RRBP1: variants seen among roughly 807,000 people sequenced by gnomAD.
The protein encoded by RRBP1 is ribosome binding protein 1, also known as ribosome-binding protein 1.
Under a neutral mutation model 165.2 loss-of-function variants are expected in RRBP1, and 94 were observed. The ratio of observed to expected loss-of-function variants is 0.57; its 90% confidence interval spans 0.48 to 0.68. The LOEUF is 0.68. Ranked by LOEUF, RRBP1 falls within the 30% of genes least tolerant of loss-of-function variation. The pLI is 0.00. For synonymous variants in RRBP1, 680 were observed against 714.5 expected (o/e 0.95, Z 0.77); for missense variants, 1,676 against 1,763.0 (o/e 0.95, Z 0.88).
chr20:17,665,120 G>C (rs1041977335), intron 2 of RRBP1, among the ~76,000 whole-genome samples: 7 of 151,694 alleles, frequency 4.6e-5, no homozygotes, highest in Admixed American at 2.0e-4. Flanking sequence ...GTGGGGGGGG[G>C]ACACACACAC....
At chr20:17,638,571 G>C (rs970184461) in intron 5 of RRBP1, among the ~76,000 whole-genome samples, 1 of 152,182 alleles carries the variant, frequency 6.6e-6, no homozygotes, top group Non-Finnish European at 1.5e-5. Context: ...GCAGAGAAAA[G>C]TCACTTGTCC....
At chr20:17,635,137 T>C (rs1315796850) in intron 7 of RRBP1, among the ~76,000 whole-genome samples, 1 of 152,070 alleles carries the variant, frequency 6.6e-6, no homozygotes, top group Non-Finnish European at 1.5e-5. Flanking sequence ...GAAGCAGAAG[T>C]GCGGCTGTAC....
intron 2 of RRBP1, among the ~76,000 whole-genome samples, chr20:17,677,533 A>C (rs2037105418): frequency 6.6e-6 from 1 of 152,180 alleles, no homozygotes; most frequent in South Asian, 2.1e-4. Context: ...AGTACTGCCC[A>C]ATGATCCTTT....
chr20:17,618,746 A>C, intron 19 of RRBP1, 67 bp from the exon 20 acceptor site: 1 of 1,239,962 alleles, frequency 8.1e-7, no homozygotes. Context: ...AGTCCCCGTG[A>C]GTTAGCGCCG....
intron 8 of RRBP1, among the ~76,000 whole-genome samples, chr20:17,631,225 G>A (rs569636540): frequency 6.6e-5 from 10 of 152,328 alleles, no homozygotes; most frequent in South Asian, 4.1e-4. Flanking sequence ...TGCACCCACC[G>A]GCTCCAACAC....
intron 7 of RRBP1, among the ~76,000 whole-genome samples, chr20:17,634,919 C>T (rs572980705): frequency 6.6e-6 from 1 of 152,330 alleles, no homozygotes; most frequent in East Asian, 1.9e-4. Flanking sequence ...TCCCCTGACC[C>T]GACTCCCAGA....
chr20:17,624,564 T>A lies in RRBP1; in HGVS notation c.3147+12A>T. ...TTCCATGGTGGGGGTGTGAGTGTGGTCGGGCTCTGACCTTGGCCTGGGTCA... is the reference window on the plus strand; with the variant it reads ...TTCCATGGTGGGGGTGTGAGTGTGGACGGGCTCTGACCTTGGCCTGGGTCA... On this transcript the variant is annotated intron_variant, in intron 13 of 24. Coordinates refer to ENST00000377813, the MANE Select transcript of RRBP1 (RefSeq NM_001365613.2). 1 of 1,573,290 alleles carries A rather than the reference T, an allele frequency of 6.4e-7. No homozygotes were observed. Among genetic ancestry groups the A allele is most frequent in the South Asian group, 1.2e-5 (1 of 86,166 alleles).
chr20:17,652,108 A>G lies in RRBP1; in HGVS notation c.1912+6488T>C, dbSNP rs924509024. On this transcript the variant is annotated intron_variant, in intron 3 of 24. Coordinates refer to ENST00000377813, the MANE Select transcript of RRBP1 (RefSeq NM_001365613.2). ...CTGTCCTGTGCTATGGGCCAGCCAC[A>G]GCCTCTGTGCAACACCAACACAGGT... Among the ~76,000 whole-genome samples the G allele has an allele frequency of 2.6e-5, 4 of 152,226 alleles. No homozygotes were observed. The East Asian group carries it at 7.7e-4, about 29-fold the overall frequency.
At chr20:17,641,634 C>T in intron 5 of RRBP1, 163 bp downstream of exon 5, 1 of 868,194 alleles carries the variant, frequency 1.2e-6, no homozygotes, top group Non-Finnish European at 1.8e-6. Flanking sequence ...GCCCTTGGCT[C>T]TTTAGGCAGC....
rs943449336 is a variant in RRBP1, at chr20:17,621,531, A to C, written c.3341T>G (p.Leu1114Trp). ...GCTCTGCGTCTCCTCGGCCTCCCTC[A>C]ACTTGGAGGCCAGGTCCTGAGAGAG... is the stretch of plus-strand genomic sequence containing the variant. ...AEPSSDLASK[L>W]REAEETQSTL... is the part of the protein sequence containing the mutation. The change falls in exon 16 of 25, where the codon TTG becomes TGG. Residue 1114 changes from leucine (L) to tryptophan (W), a missense_variant. By Grantham distance (61) the Leu-to-Trp change is moderately conservative. This residue lies in a region of RRBP1 where 1,184 missense variants were observed against 1,167.1 expected (regional missense o/e 1.01). Transcript: ENST00000377813. The C allele has an allele frequency of 6.2e-7, 1 of 1,612,530 alleles. No individual in the cohort carries two copies. Among genetic ancestry groups the C allele is most frequent in the Non-Finnish European group, 8.5e-7 (1 of 1,179,574 alleles).
At chr20:17,681,658 CA>C (rs1300863286) in intron 1 of RRBP1, among the ~76,000 whole-genome samples, 16 of 150,274 alleles carry the variant, frequency 1.1e-4, no homozygotes, top group African/African-American at 3.9e-4. Flanking sequence ...GCCCCGCCGC[CA>C]ACTTTCTTCG....
At chr20:17,681,308 G>A (rs2037180732) in intron 1 of RRBP1, among the ~76,000 whole-genome samples, 1 of 145,242 alleles carries the variant, frequency 6.9e-6, no homozygotes, top group African/African-American at 2.5e-5. Flanking sequence ...CGCCGCCAGG[G>A]GGAGCAGGGA....
chr20:17,655,974 C>T (rs995530261), intron 3 of RRBP1, among the ~76,000 whole-genome samples: 4 of 152,118 alleles, frequency 2.6e-5, no homozygotes, highest in African/African-American at 4.8e-5. Context: ...CACCTGGGAG[C>T]TGCTGAGTCA....
At chr20:17,669,665 G>T (rs769783228) in intron 2 of RRBP1, among the ~76,000 whole-genome samples, 15 of 152,100 alleles carry the variant, frequency 9.9e-5, no homozygotes, top group Non-Finnish European at 2.1e-4. Flanking sequence ...ACACACCATG[G>T]AGTCTTACAC....
At chr20:17,616,898 A>T in intron 20 of RRBP1, 59 bp from the exon 21 acceptor site, 1 of 1,308,794 alleles carries the variant, frequency 7.6e-7, no homozygotes, top group Non-Finnish European at 1.1e-6. Flanking sequence ...CACCATGCTC[A>T]CTCCTGCAGG....
rs760017943 is a variant in RRBP1, at chr20:17,641,753, G to A, written c.2184+44C>T. The A allele has an allele frequency of 2.5e-6, 4 of 1,606,672 alleles. No individual in the cohort carries two copies. In the South Asian group the frequency reaches 4.4e-5, roughly 18 times the overall value. ...CGTGGATGGGGCGGGGGTCCTCTGAGGACGGGAGAGGACAAACCATCTCCG... is the reference window on the plus strand; with the variant it reads ...CGTGGATGGGGCGGGGGTCCTCTGAAGACGGGAGAGGACAAACCATCTCCG... On this transcript the variant is annotated intron_variant, in intron 5 of 24. Coordinates refer to ENST00000377813, the MANE Select transcript of RRBP1 (RefSeq NM_001365613.2).
At chr20:17,680,881 A>T (rs2037168673) in intron 1 of RRBP1, among the ~76,000 whole-genome samples, 1 of 152,068 alleles carries the variant, frequency 6.6e-6, no homozygotes, top group African/African-American at 2.4e-5. Flanking sequence ...TTTCCTCGCA[A>T]ATCGAAGCTA....
intron 2 of RRBP1, among the ~76,000 whole-genome samples, chr20:17,665,685 A>C (rs1600777390): frequency 6.6e-6 from 1 of 152,222 alleles, no homozygotes; most frequent in East Asian, 1.9e-4. Context: ...GCTGTCACAC[A>C]AAATTGTAGT....
rs1169924131 is a variant in RRBP1, at chr20:17,635,625, T to C, written c.2377A>G (p.Thr793Ala). 6.2e-7 allele frequency: 1 copy of C among 1,613,438 alleles called. No homozygotes were observed. The highest frequency in any genetic ancestry group is 8.5e-7 in the Non-Finnish European group (1 of 1,179,882). ...TCCTGCTGCAGGCGGGCCAGCTGCG[T>C]GTTGGGGCCATTCTCCAGCTGCTCC... ...LQEQLENGPN[T>A]QLARLQQENS... The change falls in exon 7 of 25, where the codon ACG becomes GCG. Residue 793 changes from threonine (T) to alanine (A), a missense_variant. Coordinates refer to ENST00000377813, the MANE Select transcript of RRBP1 (RefSeq NM_001365613.2).
Sources: gnomAD v4.1 joint callset for allele counts (sites outside exome capture counted in the v4.1 genomes callset) on GRCh38, gnomAD v4.1.1 for gene constraint, gnomAD v4.1.1 regional missense constraint, MANE v1.5 for transcripts, NCBI Gene and HGNC (gene_info 2026-07-23, HGNC 2026-07-21) for gene names.